Variants in NOD1 observed in about 807,000 individuals in gnomAD.
The protein encoded by NOD1 is nucleotide binding oligomerization domain containing 1.
Under a neutral mutation model 81.2 loss-of-function variants are expected in NOD1, and 70 were observed. The observed-to-expected ratio is 0.86, with a 90% CI of 0.71 to 1.05. NOD1 has a LOEUF of 1.05. NOD1 is among the 50% of genes least tolerant of loss of function. NOD1 has a pLI of 0.00. For synonymous variants in NOD1, 508 were observed against 526.9 expected (o/e 0.96, Z 0.49); for missense variants, 1,233 against 1,228.0 (o/e 1.00, Z -0.06).
chr7:30,465,580 C>A (rs1231792794), intron 1 of NOD1, among the ~76,000 whole-genome samples: 2 of 152,280 alleles, frequency 1.3e-5, no homozygotes, highest in South Asian at 2.1e-4. Flanking sequence ...TCAAGAAAGT[C>A]ATTTCCCATC....
intron 10 of NOD1, among the ~76,000 whole-genome samples, chr7:30,436,360 C>T (rs748044808): frequency 2.0e-5 from 3 of 152,254 alleles, no homozygotes; most frequent in African/African-American, 4.8e-5. Flanking sequence ...GGTTTCTGCA[C>T]ATGGGCAGGA....
intron 1 of NOD1, among the ~76,000 whole-genome samples, chr7:30,473,711 C>A (rs1311920151): frequency 1.3e-5 from 2 of 152,110 alleles, no homozygotes; most frequent in African/African-American, 4.8e-5. Context: ...TATGGCCCTA[C>A]ACAGAGCATA....
Position 30,478,418 on chromosome 7 carries a change from T to C in NOD1, c.-352+188A>G, listed in dbSNP as rs748328305. Among the ~76,000 whole-genome samples the C allele has an allele frequency of 1.3e-5, 2 of 152,184 alleles. No homozygotes were observed. Among genetic ancestry groups the C allele is most frequent in the Non-Finnish European group, 2.9e-5 (2 of 68,036 alleles). ...ACGATTCCGCTGACTGTGAAGTTCATCCCTCTCAACTTTCGCTACATGCTT... is the reference window on the plus strand; with the variant it reads ...ACGATTCCGCTGACTGTGAAGTTCACCCCTCTCAACTTTCGCTACATGCTT... On this transcript the variant is annotated intron_variant, in intron 1 of 13. Coordinates refer to ENST00000222823, the MANE Select transcript of NOD1 (RefSeq NM_006092.4). The surrounding 1 kb of genome is among the most constrained non-coding windows in gnomAD (Gnocchi z 4.1).
At position 30,466,417 on chromosome 7, in the gene NOD1, C is replaced by T. The variant is rs115734944; in HGVS notation, c.-351-6376G>A. ...GATTAGCACAAGATGGGGGCAGCTG[C>T]ATCAGCTCAGGCCCACAAATAACCA... On this transcript the variant is annotated intron_variant, in intron 1 of 13. Coordinates refer to ENST00000222823, the MANE Select transcript of NOD1 (RefSeq NM_006092.4). 5.4e-3 allele frequency among the ~76,000 whole-genome samples: 821 copies of T among 152,092 alleles called. 7 individuals are homozygous for T. Among genetic ancestry groups the T allele is most frequent in the African/African-American group, 0.019 (778 of 41,490 alleles).
chr7:30,472,400 A>G (rs1788366339), intron 1 of NOD1, among the ~76,000 whole-genome samples: 1 of 152,214 alleles, frequency 6.6e-6, no homozygotes, highest in African/African-American at 2.4e-5. Context: ...GAAAAGGCTC[A>G]TTCCTTGAGA....
chr7:30,436,172 T>C (rs935958595), intron 10 of NOD1, 91 bp from the exon 11 acceptor site: 1 of 1,049,232 alleles, frequency 9.5e-7, no homozygotes, highest in Admixed American at 1.9e-5. Context: ...AGCCTCTGCC[T>C]GGCTGTGGCC....
rs1785790372 is a variant in NOD1 at position 30,452,064 on chromosome 7, C to G, written c.1353G>C (p.Glu451Asp). The G allele has an allele frequency of 6.2e-7, 1 of 1,613,620 alleles. No individual in the cohort carries two copies. The highest frequency in any genetic ancestry group is 1.3e-5 in the African/African-American group (1 of 75,068). ...GAGTGTCCCGGCCGGCGTGGAGGGT[C>G]TCCACTGGGCTGCGTGTGTTCCGCT... ...LVQRNTRSPV[E>D]TLHAGRDTLC... is the part of the protein sequence containing the mutation. Residue 451 changes from glutamate to aspartate, a missense_variant, in exon 6 of 14, where the codon GAG (glutamate) becomes GAC (aspartate). Glu to Asp is a conservative substitution (Grantham distance 45). Transcript: ENST00000222823.
At position 30,425,600 on chromosome 7, in the gene NOD1, C is replaced by A. The variant is rs1461055932; in HGVS notation, c.*38G>T. The A allele has an allele frequency of 6.6e-7, 1 of 1,507,030 alleles. No individual in the cohort carries two copies. Among genetic ancestry groups the A allele is most frequent in the Admixed American group, 1.7e-5 (1 of 59,892 alleles). 93.4% of individuals were successfully genotyped at this position (1,507,030 alleles called of 1,614,324 possible). ...CCCAGAGTGGCATTTGCTGCTGAGG[C>A]TCCAGGGCAAAAACCCCATGAACAG... On this transcript the variant is annotated 3_prime_UTR_variant, in exon 14 of 14. Coordinates refer to ENST00000222823, the MANE Select transcript of NOD1 (RefSeq NM_006092.4).
Position 30,451,532 on chromosome 7 carries a change from GC to G in NOD1, c.1884del (p.Arg629GlyfsTer4). ...CGGGGCAGGCTCTTCAGGTAGCCCC[GC>G]AGGCTGGAAAACAGGTGTGCCCACA... ...KALWAHLFSS[L>X]RGYLKSLPRV... On this transcript the variant is annotated frameshift_variant, in exon 6 of 14. Transcript: ENST00000222823. LOFTEE classifies it high-confidence loss of function. The surrounding 1 kb of genome is among the most constrained non-coding windows in gnomAD (Gnocchi z 4.2). The G allele has an allele frequency of 6.2e-7, 1 of 1,612,840 alleles. No homozygotes were observed.
chr7:30,452,130 A>T lies in NOD1; in HGVS notation c.1287T>A (p.Thr429=). 1.2e-6 allele frequency: 2 copies of T among 1,613,964 alleles called. No homozygotes were observed. Among genetic ancestry groups the T allele is most frequent in the Non-Finnish European group, 1.7e-6 (2 of 1,180,004 alleles). Residue 429 remains threonine, a synonymous_variant, in exon 6 of 14, where the codon ACT becomes ACA. Coordinates refer to ENST00000222823, the MANE Select transcript of NOD1 (RefSeq NM_006092.4). ...GCTGCATCCTGTTCAGATGGACCTC[A>T]GTGACCAGGAGGAAGACATCTGTCA... is the stretch of plus-strand genomic sequence containing the variant. ...MTLTDVFLLV[T]EVHLNRMQPS...
At chr7:30,456,169 T>A (rs1390662809) in intron 4 of NOD1, among the ~76,000 whole-genome samples, 1 of 151,890 alleles carries the variant, frequency 6.6e-6, no homozygotes, top group Non-Finnish European at 1.5e-5. Context: ...CATAAATGAG[T>A]TGTGTCATTC....
At chr7:30,457,982 G>A (rs1443322313) in intron 3 of NOD1, among the ~76,000 whole-genome samples, 1 of 152,172 alleles carries the variant, frequency 6.6e-6, no homozygotes, top group African/African-American at 2.4e-5. Context: ...GACAGAGGGA[G>A]GGCAGAGGGG....
At position 30,446,216 on chromosome 7, in the gene NOD1, T is replaced by C. The variant is rs753727189; in HGVS notation, c.2378A>G (p.Lys793Arg). The C allele has an allele frequency of 8.7e-6, 14 of 1,613,904 alleles. No individual in the cohort carries two copies. The African/African-American group carries it at 1.5e-4, about 17-fold the overall frequency. The change falls in exon 9 of 14, where the codon AAA becomes AGA. Residue 793 changes from lysine (K) to arginine (R), a missense_variant. Lys to Arg is a conservative substitution (Grantham distance 26, BLOSUM62 2). Transcript: ENST00000222823. ...CCCTCCTTCACTTGTTATTTTGTTT[T>C]TTCCCAGTCTGCAGAGAGAGTCACA... ...CKGLTHLKLGKNKITSEGGKY... is the reference protein window; with the variant it reads ...CKGLTHLKLGRNKITSEGGKY...
chr7:30,430,200 T>C (rs1348264473), intron 12 of NOD1, among the ~76,000 whole-genome samples: 3 of 152,072 alleles, frequency 2.0e-5, no homozygotes, highest in African/African-American at 7.2e-5. Context: ...TGCCATGAAA[T>C]AGTTCTCATG....
chr7:30,446,581 G>A, intron 8 of NOD1: 1 of 395,034 alleles, frequency 2.5e-6, no homozygotes, highest in Non-Finnish European at 4.6e-6. Context: ...TGTCAGGGCA[G>A]GACCAGAGGC....
intron 1 of NOD1, among the ~76,000 whole-genome samples, chr7:30,463,176 T>C (rs1282028244): frequency 1.3e-5 from 2 of 152,144 alleles, no homozygotes; most frequent in East Asian, 1.9e-4. Flanking sequence ...TATATGAATA[T>C]ACATATAGAT....
In NOD1 at chr7:30,433,086, T is replaced by TCA; in HGVS notation, c.2705+9_2705+10insTG. 1 of 1,596,824 alleles carries TCA rather than the reference T, an allele frequency of 6.3e-7. No homozygotes were observed. Among genetic ancestry groups the TCA allele is most frequent in the Non-Finnish European group, 8.6e-7 (1 of 1,164,484 alleles). On this transcript the variant is annotated intron_variant, in intron 12 of 13. Transcript: ENST00000222823. The stretch of plus-strand genomic sequence containing the variant: ...AGCACAGTCTGAAATTGTAAGGCTC[T>TCA]CTGAGTTACCATAAATGCTTTAACG...
chr7:30,463,574 G>C (rs1787377203), intron 1 of NOD1: 1 of 152,492 alleles, frequency 6.6e-6, no homozygotes, highest in South Asian at 2.1e-4. Flanking sequence ...CTGAATCCTG[G>C]GGTGGCCCCA....
chr7:30,435,173 A>C (rs954099354), intron 11 of NOD1, among the ~76,000 whole-genome samples: 3 of 152,200 alleles, frequency 2.0e-5, no homozygotes, highest in Non-Finnish European at 4.4e-5. Flanking sequence ...CACTCTCAGG[A>C]GGCCACATCC....
Sources: allele counts gnomAD v4.1 joint callset (sites outside exome capture counted in the v4.1 genomes callset), GRCh38; gene constraint gnomAD v4.1.1; non-coding constraint Gnocchi (gnomAD v3.1); transcripts MANE v1.5; gene names NCBI Gene and HGNC (gene_info 2026-07-23, HGNC 2026-07-21).